Variants in AGBL4 observed in about 807,000 individuals in gnomAD.
AGBL4 encodes the protein cytosolic carboxypeptidase 6.
A neutral mutation model predicts 66.4 loss-of-function variants in AGBL4; 58 were observed. The observed-to-expected ratio is 0.87, with a 90% confidence interval of 0.71 to 1.09. AGBL4 has a LOEUF of 1.09. Ranked by LOEUF, AGBL4 falls within the 50% of genes least tolerant of loss-of-function variation. The probability of loss-of-function intolerance (pLI) is 0.00; values close to 1 mark genes in which losing one functional copy is unlikely to be tolerated. For missense variants in AGBL4, 579 were observed against 631.0 expected, an observed-to-expected ratio of 0.92 and a Z score of 0.88; for synonymous variants, 234 against 222.9, an observed-to-expected ratio of 1.05 and a Z score of -0.44.
At chr1:48,851,936 C>G (rs1377551068) in intron 6 of AGBL4, among the ~76,000 whole-genome samples, 1 of 148,986 alleles carries the variant, frequency 6.7e-6, no homozygotes, top group African/African-American at 2.5e-5. Context: ...AAAGAGATAT[C>G]TGTGGTGACC....
chr1:49,580,277 C>T (rs1181107587), intron 3 of AGBL4, among the ~76,000 whole-genome samples: 1 of 151,950 alleles, frequency 6.6e-6, no homozygotes, highest in African/African-American at 2.4e-5. Flanking sequence ...TCAGACAATC[C>T]TTATCTTTTA....
intron 6 of AGBL4, among the ~76,000 whole-genome samples, chr1:48,790,874 G>A (rs1425483572): frequency 2.6e-5 from 4 of 152,078 alleles, no homozygotes; most frequent in Admixed American, 2.6e-4. Flanking sequence ...TTGAGCCCAG[G>A]TTCAAGACCA....
At chr1:49,633,261 A>T (rs564704983) in intron 3 of AGBL4, among the ~76,000 whole-genome samples, 1 of 152,314 alleles carries the variant, frequency 6.6e-6, no homozygotes, top group African/African-American at 2.4e-5. Context: ...AACTTATTTT[A>T]TATTCATACA....
intron 4 of AGBL4, among the ~76,000 whole-genome samples, chr1:49,159,235 G>A (rs1402332848): frequency 6.6e-6 from 1 of 151,922 alleles, no homozygotes; most frequent in East Asian, 1.9e-4. Flanking sequence ...GCTTCCTTCA[G>A]GAGCTCTTGT....
intron 5 of AGBL4, among the ~76,000 whole-genome samples, chr1:48,982,973 G>T (rs962054071): frequency 6.6e-6 from 1 of 152,134 alleles, no homozygotes. Flanking sequence ...TTAAAACAGG[G>T]TTTTACAAGA....
At chr1:49,724,804 C>T (rs967086191) in intron 2 of AGBL4, among the ~76,000 whole-genome samples, 4 of 151,940 alleles carry the variant, frequency 2.6e-5, no homozygotes, top group Non-Finnish European at 4.4e-5. Flanking sequence ...AAAAATCATG[C>T]GAGGACGTGG....
At chr1:48,969,070 C>T (rs1279979455) in intron 5 of AGBL4, among the ~76,000 whole-genome samples, 1 of 151,848 alleles carries the variant, frequency 6.6e-6, no homozygotes, top group African/African-American at 2.4e-5. Flanking sequence ...ACTGTGGTCT[C>T]TTTCTCCCTC....
chr1:49,660,704 A>G (rs986444184), intron 3 of AGBL4, among the ~76,000 whole-genome samples: 4 of 152,212 alleles, frequency 2.6e-5, no homozygotes, highest in Non-Finnish European at 4.4e-5. Flanking sequence ...ATCAAGTCAA[A>G]TGCCCATCAA....
At chr1:49,906,116 CTGTGTGTGTGTG>C (rs59711282) in intron 1 of AGBL4, among the ~76,000 whole-genome samples, 3 of 147,294 alleles carry the variant, frequency 2.0e-5, no homozygotes, top group Admixed American at 6.8e-5. Flanking sequence ...AAACAGGACT[CTGTGTGTGTGTG>C]TGTGTGTGTG....
At chr1:48,776,662 G>C (rs532358290) in intron 6 of AGBL4, 1 of 1,494,180 alleles carries the variant, frequency 6.7e-7, no homozygotes, top group Admixed American at 2.4e-5. Flanking sequence ...GTCGCGGGGG[G>C]CGCGCGGGGG....
At chr1:49,143,093 C>T (rs1203188726) in intron 4 of AGBL4, among the ~76,000 whole-genome samples, 1 of 152,104 alleles carries the variant, frequency 6.6e-6, no homozygotes, top group Non-Finnish European at 1.5e-5. Context: ...GCCCTCAGGA[C>T]AAGCCATCAA....
At chr1:48,865,756 G>A (rs1304918512) in intron 6 of AGBL4, among the ~76,000 whole-genome samples, 1 of 152,062 alleles carries the variant, frequency 6.6e-6, no homozygotes, top group Non-Finnish European at 1.5e-5. Flanking sequence ...ATCATATCAG[G>A]GTGTGACCTG....
At chr1:49,745,969 C>T (rs1346797465) in intron 2 of AGBL4, among the ~76,000 whole-genome samples, 2 of 151,920 alleles carry the variant, frequency 1.3e-5, no homozygotes, top group Non-Finnish European at 2.9e-5. Flanking sequence ...CCAGGACAGA[C>T]CAGAAATTAT....
chr1:49,716,681 T>C (rs1648169167), intron 2 of AGBL4, among the ~76,000 whole-genome samples: 1 of 152,038 alleles, frequency 6.6e-6, no homozygotes, highest in Non-Finnish European at 1.5e-5. Flanking sequence ...AAAAACCACA[T>C]GATTATCTCA....
intron 3 of AGBL4, among the ~76,000 whole-genome samples, chr1:49,311,054 T>C (rs115322978): frequency 1.2e-3 from 178 of 152,184 alleles, no homozygotes; most frequent in African/African-American, 4.2e-3. Context: ...GGCATACTAA[T>C]AGTACCTACT....
chr1:49,381,218 T>G (rs1644599355), intron 3 of AGBL4, among the ~76,000 whole-genome samples: 1 of 152,090 alleles, frequency 6.6e-6, no homozygotes, highest in African/African-American at 2.4e-5. Flanking sequence ...AAGAAGACAT[T>G]TATGCAGCCA....
At position 48,748,729 on chromosome 1, in the gene AGBL4, C is replaced by T. The variant is rs780390807; in HGVS notation, c.635-85488G>A. 5.3e-5 allele frequency among the ~76,000 whole-genome samples: 8 copies of T among 151,996 alleles called. No individual in the cohort carries two copies. In the Middle Eastern group the frequency reaches 0.01, roughly 194 times the overall value. ...AATTTGGGGAGGGGGAGATCACTGC[C>T]GGTTAAGGGATCCTAGAAGGCTTCA... On this transcript the variant is annotated intron_variant, in intron 6 of 13. Coordinates refer to ENST00000371839, the MANE Select transcript of AGBL4 (RefSeq NM_032785.4).
At chr1:48,583,116 C>T (rs2148334073) in intron 11 of AGBL4, among the ~76,000 whole-genome samples, 1 of 152,328 alleles carries the variant, frequency 6.6e-6, no homozygotes, top group Non-Finnish European at 1.5e-5. Context: ...ACATCTCCCA[C>T]TGTGTGAATC....
chr1:48,760,177 AC>A (rs993737912), intron 6 of AGBL4, among the ~76,000 whole-genome samples: 1 of 152,026 alleles, frequency 6.6e-6, no homozygotes, highest in African/African-American at 2.4e-5. Context: ...ATTATCCAGG[AC>A]CCCCTCCAGA....
Sources: allele counts gnomAD v4.1 joint callset (sites outside exome capture counted in the v4.1 genomes callset), GRCh38; gene constraint gnomAD v4.1.1; transcripts MANE v1.5; gene names NCBI Gene and HGNC (gene_info 2026-07-23, HGNC 2026-07-21).